The following RSPRY1 variants were observed in gnomAD, a reference collection of about 807,000 sequenced individuals.
RSPRY1 encodes the protein RING finger and SPRY domain-containing protein 1.
Under a neutral mutation model 73.1 loss-of-function variants are expected in RSPRY1, and 23 were observed. That is an observed-to-expected ratio of 0.31 (90% confidence interval 0.23 to 0.45). RSPRY1 has a LOEUF of 0.45. Among genes scored for constraint, RSPRY1 ranks in the 20% least tolerant of loss-of-function variants. The probability of loss-of-function intolerance (pLI) is 1.00; values close to 1 mark genes in which losing one functional copy is unlikely to be tolerated. For synonymous variants in RSPRY1, 226 were observed against 251.4 expected, an observed-to-expected ratio of 0.90 and a Z score of 0.95; for missense variants, 448 against 698.7, an observed-to-expected ratio of 0.64 and a Z score of 4.05.
intron 1 of RSPRY1, among the ~76,000 whole-genome samples, chr16:57,196,440 C>CTA (rs1443688824): frequency 4.6e-5 from 7 of 152,274 alleles, no homozygotes; most frequent in African/African-American, 1.7e-4. Flanking sequence ...GTGGTAGGTT[C>CTA]TATACACAGT....
At chr16:57,230,005 CTTTTTTTTTT>C (rs544045998) in intron 11 of RSPRY1, among the ~76,000 whole-genome samples, 2 of 44,928 alleles carry the variant, frequency 4.5e-5, no homozygotes, top group South Asian at 1.4e-3. Flanking sequence ...ACGCCCTGCC[CTTTTTTTTTT>C]TTTTTTTTTT....
intron 10 of RSPRY1, among the ~76,000 whole-genome samples, chr16:57,223,704 AG>A (rs749352606): frequency 1.3e-5 from 2 of 152,314 alleles, no homozygotes; most frequent in East Asian, 1.9e-4. Flanking sequence ...TATGGGAGGC[AG>A]AGGTTGCACT....
intron 4 of RSPRY1, among the ~76,000 whole-genome samples, chr16:57,209,449 C>T (rs141578418): frequency 1.5e-3 from 221 of 151,924 alleles, no homozygotes; most frequent in African/African-American, 5.0e-3. Context: ...CTGCAACCTC[C>T]GCCTCCCGGG....
intron 13 of RSPRY1, 108 bp from the exon 14 acceptor site, chr16:57,235,016 A>T: frequency 1.4e-6 from 1 of 712,852 alleles, no homozygotes; most frequent in African/African-American, 1.8e-5. Context: ...AACAAAGTTT[A>T]AGGAATATAT....
At chr16:57,192,299 G>T (rs1431851136) in intron 1 of RSPRY1, among the ~76,000 whole-genome samples, 1 of 152,094 alleles carries the variant, frequency 6.6e-6, no homozygotes, top group Admixed American at 6.5e-5. Flanking sequence ...GTGTATATTT[G>T]AATAACACAT....
At position 57,216,185 on chromosome 16, in the gene RSPRY1, G is replaced by C; in HGVS notation, c.769+12G>C. ...GTTTGCACAGACAAGTAGGTATAGTGACTTCTTGCACTAATGATCTTCTGT... is the reference window on the plus strand; with the variant it reads ...GTTTGCACAGACAAGTAGGTATAGTCACTTCTTGCACTAATGATCTTCTGT... On this transcript the variant is annotated intron_variant, in intron 7 of 14. Transcript: ENST00000394420. 6.3e-7 allele frequency: 1 copy of C among 1,587,660 alleles called. No homozygotes were observed.
In RSPRY1 at chr16:57,189,200, G is replaced by A. The variant is rs540446611; in HGVS notation, c.-156+2749G>A. ...AGTAGAGAGGGAGTTTCACCGTGTT[G>A]GTCAGGCTGGTCTTGAACTCCTGAG... On this transcript the variant is annotated intron_variant, in intron 1 of 14. Coordinates refer to ENST00000394420, the MANE Select transcript of RSPRY1 (RefSeq NM_133368.3). 2.2e-3 allele frequency among the ~76,000 whole-genome samples: 331 copies of A among 151,940 alleles called. 9 individuals are homozygous for A. The highest frequency in any genetic ancestry group is 3.4e-3 in the Middle Eastern group (1 of 294).
chr16:57,192,440 C>G (rs1261097641), intron 1 of RSPRY1, among the ~76,000 whole-genome samples: 1 of 152,024 alleles, frequency 6.6e-6, no homozygotes, highest in Non-Finnish European at 1.5e-5. Flanking sequence ...TTTGGGAGTC[C>G]AAGGCAAATT....
intron 1 of RSPRY1, among the ~76,000 whole-genome samples, chr16:57,200,703 G>A (rs2074562646): frequency 8.0e-6 from 1 of 125,612 alleles, no homozygotes; most frequent in Non-Finnish European, 1.7e-5. Flanking sequence ...GGCTGGCCGG[G>A]CAGAGGGGCT....
At chr16:57,188,031 T>G (rs1284462967) in intron 1 of RSPRY1, among the ~76,000 whole-genome samples, 2 of 152,256 alleles carry the variant, frequency 1.3e-5, no homozygotes, top group Non-Finnish European at 2.9e-5. Context: ...CTACAGGCAG[T>G]GAATATCATA....
intron 10 of RSPRY1, among the ~76,000 whole-genome samples, chr16:57,222,348 C>T (rs2146329507): frequency 6.6e-6 from 1 of 152,338 alleles, no homozygotes; most frequent in South Asian, 2.1e-4. Context: ...CTTACCTCAG[C>T]CTCCTGAATA....
rs1377689010 is a variant in RSPRY1, at chr16:57,221,503, A to G, written c.1161+88A>G. Reference sequence around the variant, plus strand: ...GTGGGTGGAAAATACTTATTTTTCAAATAGATTTGCTCAATAATCTTTTCT... The same window carrying G: ...GTGGGTGGAAAATACTTATTTTTCAGATAGATTTGCTCAATAATCTTTTCT... On this transcript the variant is annotated intron_variant, in intron 10 of 14. Coordinates refer to ENST00000394420, the MANE Select transcript of RSPRY1 (RefSeq NM_133368.3). 7 of 1,360,388 alleles carry G rather than the reference A, an allele frequency of 5.1e-6. No homozygotes were observed. The East Asian group carries it at 1.7e-4, about 32-fold the overall frequency. 84.3% of individuals were successfully genotyped at this position (1,360,388 alleles called of 1,614,324 possible). A position where few individuals can be genotyped will look rare whatever the true frequency, so the allele number is the denominator to read the frequency against.
intron 1 of RSPRY1, among the ~76,000 whole-genome samples, chr16:57,199,651 G>T (rs2146203549): frequency 6.6e-6 from 1 of 152,208 alleles, no homozygotes; most frequent in East Asian, 1.9e-4. Flanking sequence ...TTAGGTTTTA[G>T]AAATGAATGT....
At chr16:57,214,480 TAA>T (rs2074902891) in intron 6 of RSPRY1, among the ~76,000 whole-genome samples, 2 of 152,386 alleles carry the variant, frequency 1.3e-5, no homozygotes, top group African/African-American at 4.8e-5. Context: ...TCTGTATTTT[TAA>T]AAGTTATTTT....
rs1313658245 is a variant in RSPRY1, at chr16:57,235,178, C to G, written c.1584C>G (p.Ser528=). Residue 528 remains serine, a synonymous_variant, in exon 14 of 15, where the codon TCC becomes TCG. Coordinates refer to ENST00000394420, the MANE Select transcript of RSPRY1 (RefSeq NM_133368.3). ...KQVSIRENCC[S]LCCDEVADTQ... ...TCAGTATCCGAGAAAACTGCTGTTC[C>G]CTTTGTTGTGATGAGGTAGCAGACA... The G allele has an allele frequency of 1.9e-6, 3 of 1,614,018 alleles. No homozygotes were observed. Among genetic ancestry groups the G allele is most frequent in the Admixed American group, 3.3e-5 (2 of 59,986 alleles).
chr16:57,225,554 A>G (rs1349363911), intron 10 of RSPRY1, among the ~76,000 whole-genome samples: 2 of 152,160 alleles, frequency 1.3e-5, no homozygotes, highest in African/African-American at 4.8e-5. Context: ...TCCTCACTGT[A>G]TTGTTTGCCC....
chr16:57,186,512 C>CT lies in RSPRY1; in HGVS notation c.-156+62dup, dbSNP rs1233447886. On this transcript the variant is annotated intron_variant, in intron 1 of 14. Transcript: ENST00000394420. ...CTGGGCACGCGGAACGGGAGGGAGT[C>CT]TGAGGGTTGGGGACGTCTGTGAGGG... 4.6e-5 allele frequency: 7 copies of CT among 153,018 alleles called. No individual in the cohort carries two copies. In the East Asian group the frequency reaches 1.4e-3, roughly 30 times the overall value. The allele number at this position is 153,018 out of a possible 1,614,324, so 9.5% of individuals were successfully genotyped here.
chr16:57,208,597 C>A (rs1262407932), intron 3 of RSPRY1, among the ~76,000 whole-genome samples: 4 of 151,604 alleles, frequency 2.6e-5, no homozygotes, highest in Admixed American at 2.6e-4. Context: ...CAGAATTTCA[C>A]CATGTTGGCC....
chr16:57,189,560 C>T (rs1597840949), intron 1 of RSPRY1, among the ~76,000 whole-genome samples: 1 of 144,040 alleles, frequency 6.9e-6, no homozygotes, highest in Non-Finnish European at 1.5e-5. Context: ...TTCTGTATTT[C>T]TTTTTTTCTG....
Sources: gnomAD v4.1 joint callset for allele counts (sites outside exome capture counted in the v4.1 genomes callset) on GRCh38, gnomAD v4.1.1 for gene constraint, MANE v1.5 for transcripts, NCBI Gene and HGNC (gene_info 2026-07-23, HGNC 2026-07-21) for gene names.